Variants in CHN2 observed in about 807,000 individuals in gnomAD.
CHN2 encodes the protein chimerin 2.
CHN2 carries 35 observed loss-of-function variants against 56.3 expected under a neutral mutation model. That is an observed-to-expected ratio of 0.62 (90% CI 0.47 to 0.82). The LOEUF is 0.82. CHN2 is among the 40% of genes least tolerant of loss of function. CHN2 has a pLI of 0.00. For missense variants in CHN2, 491 were observed against 580.5 expected (o/e 0.85, Z 1.58); for synonymous variants, 210 against 212.8 (o/e 0.99, Z 0.12).
intron 7 of CHN2, chr7:29,484,052 C>T (rs564711176): frequency 2.9e-5 from 14 of 479,774 alleles, no homozygotes; most frequent in South Asian, 2.1e-4. Context: ...CTAGCTTTTT[C>T]AGTCTTTTAT....
At chr7:29,378,980 A>G (rs1407652842) in intron 3 of CHN2, among the ~76,000 whole-genome samples, 2 of 152,222 alleles carry the variant, frequency 1.3e-5, no homozygotes, top group Non-Finnish European at 2.9e-5. Context: ...AAGAAAAAGA[A>G]AAAGAGTGGG....
At chr7:29,226,800 G>A (rs953958026) in intron 1 of CHN2, among the ~76,000 whole-genome samples, 2 of 152,140 alleles carry the variant, frequency 1.3e-5, no homozygotes, top group Admixed American at 6.5e-5. Flanking sequence ...TTATTGTAAG[G>A]TTTTTTGATA....
intron 1 of CHN2, among the ~76,000 whole-genome samples, chr7:29,350,986 C>G (rs1352525033): frequency 6.6e-6 from 1 of 151,776 alleles, no homozygotes; most frequent in Non-Finnish European, 1.5e-5. Flanking sequence ...TGGGCACTTG[C>G]AATCCCAGCT....
intron 1 of CHN2, among the ~76,000 whole-genome samples, chr7:29,211,985 C>G (rs1009127040): frequency 3.9e-5 from 6 of 152,158 alleles, no homozygotes; most frequent in African/African-American, 1.4e-4. Context: ...CGCATCATAG[C>G]CTGGTTTCAC....
chr7:29,160,770 T>A (rs1795066348), intron 2 of CHN2, among the ~76,000 whole-genome samples: 1 of 152,194 alleles, frequency 6.6e-6, no homozygotes, highest in Non-Finnish European at 1.5e-5. Context: ...CCTGGGCTCT[T>A]AATGACGTTG....
chr7:29,305,822 C>CCTCCTCCTCCTCGTCTTT (rs1554397343), intron 1 of CHN2, among the ~76,000 whole-genome samples: 156 of 138,238 alleles, frequency 1.1e-3, no homozygotes, highest in African/African-American at 4.1e-3. Flanking sequence ...TCGTCTTTCT[C>CCTCCTCCTCCTCGTCTTT]CTCCTCCTCC....
intron 6 of CHN2, among the ~76,000 whole-genome samples, chr7:29,419,509 A>G (rs891918619): frequency 1.3e-5 from 2 of 152,172 alleles, no homozygotes; most frequent in Admixed American, 6.5e-5. Context: ...AAAATTTTCT[A>G]TGTGTCAAAG....
At chr7:29,160,969 T>A (rs1279007806) in intron 2 of CHN2, among the ~76,000 whole-genome samples, 1 of 152,252 alleles carries the variant, frequency 6.6e-6, no homozygotes, top group Non-Finnish European at 1.5e-5. Context: ...TGTCATTTTC[T>A]TGAGTCTTTC....
In CHN2 at chr7:29,512,021, G is replaced by A. The variant is rs911001371; in HGVS notation, c.1236-543G>A. Among the ~76,000 whole-genome samples the A allele has an allele frequency of 7.9e-5, 12 of 152,090 alleles. 1 individual carries two copies. The highest frequency in any genetic ancestry group is 8.8e-5 in the Non-Finnish European group (6 of 67,956). The stretch of plus-strand genomic sequence containing the variant: ...CGTCCAGTCTGGCGACATTCCAGCC[G>A]TTCCCCCACCCCACGATAACGGCCT... On this transcript the variant is annotated intron_variant, in intron 12 of 12. Transcript: ENST00000222792.
In CHN2 at chr7:29,406,907, C is replaced by T. The variant is rs535061556; in HGVS notation, c.576+6079C>T. Among the ~76,000 whole-genome samples the T allele has an allele frequency of 1.2e-4, 19 of 152,306 alleles. No homozygotes were observed. In the South Asian group the frequency reaches 3.1e-3, roughly 25 times the overall value. ...TAATTCTAACGCCCTCCACCTCACT[C>T]GGTGAAGCAAGCACTGATTGAATGA... On this transcript the variant is annotated intron_variant, in intron 6 of 12. Coordinates refer to ENST00000222792, the MANE Select transcript of CHN2 (RefSeq NM_004067.4).
intron 6 of CHN2, among the ~76,000 whole-genome samples, chr7:29,477,371 G>GA (rs1786689548): frequency 6.6e-6 from 1 of 152,156 alleles, no homozygotes; most frequent in Non-Finnish European, 1.5e-5. Flanking sequence ...GCACAGACAT[G>GA]AAAAAATATT....
chr7:29,300,497 A>G (rs923956735), intron 1 of CHN2, among the ~76,000 whole-genome samples: 14 of 152,138 alleles, frequency 9.2e-5, no homozygotes, highest in Admixed American at 2.6e-4. Context: ...TTGCCCTTTT[A>G]TATTTCTTCC....
chr7:29,186,948 A>G (rs1379952086), intron 2 of CHN2, among the ~76,000 whole-genome samples: 1 of 152,178 alleles, frequency 6.6e-6, no homozygotes, highest in Non-Finnish European at 1.5e-5. Flanking sequence ...AAGATATTAT[A>G]TAAGTTTTCT....
intron 1 of CHN2, among the ~76,000 whole-genome samples, chr7:29,211,976 G>T (rs1024090060): frequency 1.3e-5 from 2 of 152,042 alleles, no homozygotes; most frequent in Non-Finnish European, 2.9e-5. Context: ...AACAATGATC[G>T]CATCATAGCC....
At chr7:29,257,650 C>A (rs1335993413) in intron 1 of CHN2, among the ~76,000 whole-genome samples, 1 of 152,202 alleles carries the variant, frequency 6.6e-6, no homozygotes, top group Admixed American at 6.5e-5. Flanking sequence ...AGACAAATGA[C>A]CCTGCTCTAA....
chr7:29,199,095 C>T (rs1020546010), intron 1 of CHN2, among the ~76,000 whole-genome samples: 8 of 152,166 alleles, frequency 5.3e-5, no homozygotes, highest in Non-Finnish European at 1.0e-4. Flanking sequence ...AAATTCTATA[C>T]AACAGTATTG....
chr7:29,187,192 AG>A (rs1488891733), intron 2 of CHN2, among the ~76,000 whole-genome samples: 1 of 152,158 alleles, frequency 6.6e-6, no homozygotes, highest in Non-Finnish European at 1.5e-5. Context: ...TTTATCTTAT[AG>A]GGGCCAAATT....
intron 1 of CHN2, among the ~76,000 whole-genome samples, chr7:29,286,988 AT>A (rs1792197410): frequency 6.6e-6 from 1 of 152,108 alleles, no homozygotes; most frequent in South Asian, 2.1e-4. Context: ...CCTAGTATTC[AT>A]TTACCATCTC....
intron 6 of CHN2, among the ~76,000 whole-genome samples, chr7:29,471,273 A>G (rs529872847): frequency 1.3e-5 from 2 of 152,378 alleles, no homozygotes; most frequent in South Asian, 4.1e-4. Context: ...AATAATAACA[A>G]TGACGTGTTG....
Sources: gnomAD v4.1 joint callset for allele counts (sites outside exome capture counted in the v4.1 genomes callset) on GRCh38, gnomAD v4.1.1 for gene constraint, MANE v1.5 for transcripts, NCBI Gene and HGNC (gene_info 2026-07-23, HGNC 2026-07-21) for gene names.